The following ATP13A4 variants were observed in gnomAD, a reference collection of about 807,000 sequenced individuals.
ATP13A4 encodes the protein ATPase 13A4.
Under a neutral mutation model 142.5 loss-of-function variants are expected in ATP13A4, and 114 were observed. The ratio of observed to expected loss-of-function variants is 0.80; its 90% CI spans 0.69 to 0.93. The LOEUF is 0.93. ATP13A4 is among the 40% of genes least tolerant of loss of function. The probability of loss-of-function intolerance (pLI) is 0.00; values close to 1 mark genes in which losing one functional copy is unlikely to be tolerated. For missense variants in ATP13A4, 1,392 were observed against 1,454.0 expected, an observed-to-expected ratio of 0.96 and a Z score of 0.69; for synonymous variants, 488 against 514.8, an observed-to-expected ratio of 0.95 and a Z score of 0.70.
chr3:193,472,252 C>T (rs1262674291), intron 8 of ATP13A4, among the ~76,000 whole-genome samples: 1 of 152,208 alleles, frequency 6.6e-6, no homozygotes, highest in Non-Finnish European at 1.5e-5. Context: ...CAACTGTGCA[C>T]CATTCTGAGT....
intron 16 of ATP13A4, 138 bp downstream of exon 16, chr3:193,456,862 G>T: frequency 9.4e-7 from 1 of 1,068,722 alleles, no homozygotes; most frequent in Non-Finnish European, 1.4e-6. Flanking sequence ...CTTGGTTTTC[G>T]TATTGAATTT....
At chr3:193,413,784 A>G (rs1017723478) in intron 26 of ATP13A4, among the ~76,000 whole-genome samples, 4 of 152,210 alleles carry the variant, frequency 2.6e-5, no homozygotes, top group African/African-American at 9.6e-5. Flanking sequence ...TCTGTTGCTT[A>G]AGATGTTTAT....
intron 25 of ATP13A4, among the ~76,000 whole-genome samples, chr3:193,430,448 G>A (rs191172765): frequency 6.6e-6 from 1 of 152,208 alleles, no homozygotes; most frequent in East Asian, 1.9e-4. Flanking sequence ...CAGGCAAAAA[G>A]CTAATGAAAA....
At chr3:193,487,685 T>C (rs189086815) in intron 7 of ATP13A4, among the ~76,000 whole-genome samples, 4 of 152,308 alleles carry the variant, frequency 2.6e-5, no homozygotes, top group African/African-American at 9.6e-5. Context: ...ACTAGGTAAT[T>C]TCAATTGCAG....
chr3:193,535,269 G>A (rs1170631315), intron 1 of ATP13A4, among the ~76,000 whole-genome samples: 1 of 152,062 alleles, frequency 6.6e-6, no homozygotes, highest in East Asian at 1.9e-4. Context: ...CATTAAGATG[G>A]ACCATATCCT....
intron 18 of ATP13A4, among the ~76,000 whole-genome samples, chr3:193,447,269 T>C (rs1225326236): frequency 6.6e-6 from 1 of 152,072 alleles, no homozygotes; most frequent in Admixed American, 6.6e-5. Flanking sequence ...CTCAGCAACT[T>C]CAAAAAGTTG....
chr3:193,510,233 G>A (rs542437000), intron 2 of ATP13A4, among the ~76,000 whole-genome samples: 105 of 152,286 alleles, frequency 6.9e-4, no homozygotes, highest in Non-Finnish European at 1.1e-3. Flanking sequence ...TGACATTCGC[G>A]TGGCTGATTG....
intron 1 of ATP13A4, among the ~76,000 whole-genome samples, chr3:193,524,359 G>A (rs754890893): frequency 6.6e-6 from 1 of 152,170 alleles, no homozygotes; most frequent in African/African-American, 2.4e-5. Flanking sequence ...CACTAACTCT[G>A]AGTAGTTAAT....
chr3:193,535,453 C>G (rs903878224), intron 1 of ATP13A4, among the ~76,000 whole-genome samples: 6 of 150,974 alleles, frequency 4.0e-5, no homozygotes, highest in Non-Finnish European at 7.4e-5. Context: ...GGGGAAGTCT[C>G]AAGATAAAAA....
intron 1 of ATP13A4, among the ~76,000 whole-genome samples, chr3:193,588,784 T>C (rs1470591354): frequency 6.6e-6 from 1 of 152,178 alleles, no homozygotes; most frequent in Non-Finnish European, 1.5e-5. Context: ...TATGTATGTC[T>C]GTCTTCCTAA....
intron 26 of ATP13A4, among the ~76,000 whole-genome samples, chr3:193,412,791 C>T (rs1010246261): frequency 3.9e-5 from 5 of 129,726 alleles, no homozygotes; most frequent in Non-Finnish European, 6.6e-5. Flanking sequence ...CCTAGGAGGC[C>T]GAGGTGGTTC....
rs1265312766 is a variant in ATP13A4 at position 193,400,851 on chromosome 3, T to C, written c.*1801A>G. On this transcript the variant is annotated 3_prime_UTR_variant, in exon 30 of 30. Coordinates refer to ENST00000342695, the MANE Select transcript of ATP13A4 (RefSeq NM_032279.4). ...TAGCTTGCCCCTGCCTACAACCCTC[T>C]ACTTTTGGAAAATGAGAAACACTTT... is the stretch of plus-strand genomic sequence containing the variant. Among the ~76,000 whole-genome samples, 1 of 152,188 alleles carries C rather than the reference T, an allele frequency of 6.6e-6. No individual in the cohort carries two copies. The highest frequency in any genetic ancestry group is 1.5e-5 in the Non-Finnish European group (1 of 68,034).
chr3:193,473,187 T>C (rs1224333485), intron 8 of ATP13A4, among the ~76,000 whole-genome samples: 8 of 152,222 alleles, frequency 5.3e-5, no homozygotes, highest in African/African-American at 1.9e-4. Flanking sequence ...CAAAGAATGT[T>C]GGGGACATAT....
chr3:193,425,715 G>A (rs368241113), intron 25 of ATP13A4, among the ~76,000 whole-genome samples: 8 of 151,714 alleles, frequency 5.3e-5, no homozygotes, highest in African/African-American at 1.9e-4. Flanking sequence ...AAAGAATAGA[G>A]ATAGAGAGGA....
chr3:193,450,308 C>T (rs1426075519), intron 17 of ATP13A4, among the ~76,000 whole-genome samples: 1 of 152,186 alleles, frequency 6.6e-6, no homozygotes, highest in Non-Finnish European at 1.5e-5. Context: ...CGGTGCCCAA[C>T]ACACAGCAAG....
intron 5 of ATP13A4, 87 bp from the exon 6 acceptor site, chr3:193,491,485 G>A (rs1382556263): frequency 5.1e-6 from 5 of 974,022 alleles, no homozygotes; most frequent in Non-Finnish European, 8.3e-6. Context: ...TCTATTCCAT[G>A]TTCACTTTCT....
At chr3:193,428,355 G>A (rs111761062) in intron 25 of ATP13A4, among the ~76,000 whole-genome samples, 33 of 152,026 alleles carry the variant, frequency 2.2e-4, no homozygotes, top group African/African-American at 7.2e-4. Flanking sequence ...ACTGTAAACT[G>A]GTTCAACCAT....
At chr3:193,471,206 G>A (rs1471152612) in intron 8 of ATP13A4, among the ~76,000 whole-genome samples, 5 of 152,002 alleles carry the variant, frequency 3.3e-5, no homozygotes, top group Admixed American at 2.6e-4. Flanking sequence ...GTGTGGCAAA[G>A]TAATAAGAAA....
chr3:193,578,209 C>T (rs965231527), intron 2 of ATP13A4, among the ~76,000 whole-genome samples: 4 of 152,106 alleles, frequency 2.6e-5, no homozygotes, highest in African/African-American at 9.7e-5. Context: ...AGGAGCATTA[C>T]TTGAACCGAG....
Sources: allele counts gnomAD v4.1 joint callset (sites outside exome capture counted in the v4.1 genomes callset), GRCh38; gene constraint gnomAD v4.1.1; transcripts MANE v1.5; gene names NCBI Gene and HGNC (gene_info 2026-07-23, HGNC 2026-07-21).